Variants in EVC2 observed in about 807,000 individuals in gnomAD.
EVC2 encodes the protein EvC ciliary complex subunit 2, also known as limbin.
EVC2 carries 148 observed loss-of-function variants against 149.3 expected under a neutral mutation model. That is an observed-to-expected ratio of 0.99 (90% confidence interval 0.87 to 1.14). The LOEUF is 1.14. Ranked by LOEUF, EVC2 falls within the 50% of genes most tolerant of loss-of-function variation. The pLI, the probability that EVC2 is intolerant of heterozygous loss-of-function variation, is 0.00. For synonymous variants in EVC2, 776 were observed against 649.9 expected, an observed-to-expected ratio of 1.19 and a Z score of -2.95; for missense variants, 1,854 against 1,627.3, an observed-to-expected ratio of 1.14 and a Z score of -2.40.
chr4:5,612,174 T>C (rs551395564), intron 16 of EVC2, among the ~76,000 whole-genome samples: 1 of 152,112 alleles, frequency 6.6e-6, no homozygotes, highest in Non-Finnish European at 1.5e-5. Flanking sequence ...GTGTAGAAAA[T>C]GTTGTAATCC....
chr4:5,559,322 A>G (rs1186304927), downstream of EVC2, among the ~76,000 whole-genome samples: 2 of 152,248 alleles, frequency 1.3e-5, no homozygotes, highest in Non-Finnish European at 2.9e-5. The surrounding 1 kb of genome is among the most constrained non-coding windows in gnomAD (Gnocchi z 5.0). Flanking sequence ...ACAGATTATT[A>G]CATTGAAAAT....
At chr4:5,604,744 T>C (rs897626365) in intron 16 of EVC2, among the ~76,000 whole-genome samples, 1 of 152,084 alleles carries the variant, frequency 6.6e-6, no homozygotes, top group Non-Finnish European at 1.5e-5. Flanking sequence ...GAGTGATAGA[T>C]ATCCTAAATA....
At chr4:5,589,694 C>A (rs538944195) in intron 16 of EVC2, among the ~76,000 whole-genome samples, 6 of 152,210 alleles carry the variant, frequency 3.9e-5, no homozygotes, top group African/African-American at 1.4e-4. Flanking sequence ...TCAGTTTTGT[C>A]TGCTGTCCAG....
intron 14 of EVC2, among the ~76,000 whole-genome samples, chr4:5,620,280 C>T (rs1332491815): frequency 6.6e-6 from 1 of 152,216 alleles, no homozygotes; most frequent in Admixed American, 6.5e-5. Context: ...TGAGATGACT[C>T]TCAGTCATTA....
In EVC2 at chr4:5,584,843, C is replaced by T. The variant is rs1360376448; in HGVS notation, c.2837G>A (p.Gly946Asp). 1 of 1,614,192 alleles carries T rather than the reference C, an allele frequency of 6.2e-7. No homozygotes were observed. ...CTGCACTCTCTCCCGCAGCAATTCA[C>T]CTCGAACCTGGGAGGGGACAGGGAT... Reference protein sequence around the residue: ...ASEDLVEKVRGELLRERVQRM... With the variant: ...ASEDLVEKVRDELLRERVQRM... The change falls in exon 17 of 22, where the codon GGT becomes GAT. Residue 946 changes from glycine (G) to aspartate (D), a missense_variant. Gly to Asp is a moderately conservative substitution (Grantham distance 94). Coordinates refer to ENST00000344408, the MANE Select transcript of EVC2 (RefSeq NM_147127.5).
intron 9 of EVC2, among the ~76,000 whole-genome samples, chr4:5,643,561 C>A (rs1265598091): frequency 6.6e-6 from 1 of 152,160 alleles, no homozygotes; most frequent in Non-Finnish European, 1.5e-5. Flanking sequence ...TTCTTGGGCC[C>A]AGCTGGGGCC....
At chr4:5,557,798 A>G (rs1447589866), downstream of EVC2, among the ~76,000 whole-genome samples, 2 of 152,142 alleles carry the variant, frequency 1.3e-5, no homozygotes, top group Non-Finnish European at 2.9e-5. Context: ...CGAAATGTTA[A>G]AAATACCATT....
intron 16 of EVC2, among the ~76,000 whole-genome samples, chr4:5,598,328 G>T (rs902143854): frequency 3.3e-5 from 5 of 151,278 alleles, no homozygotes; most frequent in African/African-American, 7.2e-5. Context: ...ATACTACAAG[G>T]CTACAGTAAC....
Position 5,681,319 on chromosome 4 carries a change from A to C in EVC2, c.817-6T>G. On this transcript the variant is annotated splice_region_variant and splice_polypyrimidine_tract_variant and intron_variant, in intron 6 of 21. Transcript: ENST00000344408. ...ACTTTCAGCTGTGTTCTGTTCTAGA[A>C]AAGGAAAAAAGAAAACACTTTCAGC... 1 of 1,614,208 alleles carries C rather than the reference A, an allele frequency of 6.2e-7. No individual in the cohort carries two copies. Among genetic ancestry groups the C allele is most frequent in the Non-Finnish European group, 8.5e-7 (1 of 1,180,032 alleles).
intron 21 of EVC2, among the ~76,000 whole-genome samples, chr4:5,544,531 G>A (rs2108756347): frequency 6.6e-6 from 1 of 152,186 alleles, no homozygotes; most frequent in East Asian, 1.9e-4. Flanking sequence ...TCAGAGAGCT[G>A]AGAGTGACTC....
intron 1 of EVC2, among the ~76,000 whole-genome samples, chr4:5,703,761 T>C (rs1721970746): frequency 1.3e-5 from 2 of 152,116 alleles, no homozygotes; most frequent in South Asian, 4.1e-4. Context: ...ACTATATATA[T>C]TATACAAACA....
At chr4:5,571,317 CAAAA>C (rs1208168465) in intron 19 of EVC2, among the ~76,000 whole-genome samples, 1 of 78,506 alleles carries the variant, frequency 1.3e-5, no homozygotes. Context: ...GACTCCATCT[CAAAA>C]AAAAAAAAAA....
intron 10 of EVC2, among the ~76,000 whole-genome samples, chr4:5,639,805 A>G (rs1427690719): frequency 1.3e-5 from 2 of 152,216 alleles, no homozygotes; most frequent in African/African-American, 2.4e-5. Context: ...TCTACCCATG[A>G]ATTCTACAGC....
At chr4:5,593,457 C>T (rs1713028334) in intron 16 of EVC2, among the ~76,000 whole-genome samples, 2 of 152,162 alleles carry the variant, frequency 1.3e-5, no homozygotes, top group Non-Finnish European at 2.9e-5. Context: ...ATTAAAGGTG[C>T]CACAGATTCG....
At chr4:5,593,976 G>A (rs1453521416) in intron 16 of EVC2, among the ~76,000 whole-genome samples, 1 of 152,218 alleles carries the variant, frequency 6.6e-6, no homozygotes, top group Non-Finnish European at 1.5e-5. Context: ...TGCTAGCACG[G>A]CAGTCTGACA....
At chr4:5,661,517 G>A (rs1459204978) in intron 9 of EVC2, among the ~76,000 whole-genome samples, 2 of 152,152 alleles carry the variant, frequency 1.3e-5, no homozygotes, top group African/African-American at 4.8e-5. Context: ...CACAGAACGA[G>A]GGTACAGATA....
At chr4:5,587,738 A>C (rs953059173) in intron 16 of EVC2, among the ~76,000 whole-genome samples, 1 of 152,180 alleles carries the variant, frequency 6.6e-6, no homozygotes, top group Non-Finnish European at 1.5e-5. Flanking sequence ...AAGGGGGTCC[A>C]TGTGAGAGGG....
At chr4:5,563,787 A>C (rs1722097226) in intron 21 of EVC2, among the ~76,000 whole-genome samples, 1 of 152,140 alleles carries the variant, frequency 6.6e-6, no homozygotes, top group African/African-American at 2.4e-5. Context: ...ATTGTTAAAC[A>C]TTTATGAGTA....
intron 4 of EVC2, among the ~76,000 whole-genome samples, chr4:5,690,834 G>A (rs1721074159): frequency 6.6e-6 from 1 of 152,080 alleles, no homozygotes; most frequent in South Asian, 2.1e-4. Flanking sequence ...AGTTCTGTAA[G>A]TACTTCTAGC....
Sources: allele counts gnomAD v4.1 joint callset (sites outside exome capture counted in the v4.1 genomes callset), GRCh38; gene constraint gnomAD v4.1.1; non-coding constraint Gnocchi (gnomAD v3.1); transcripts MANE v1.5; gene names NCBI Gene and HGNC (gene_info 2026-07-23, HGNC 2026-07-21).